The following KMT2E variants were observed in gnomAD, a reference collection of about 807,000 sequenced individuals.
The protein encoded by KMT2E is lysine methyltransferase 2E (inactive).
A neutral mutation model predicts 184.6 loss-of-function variants in KMT2E; 30 were observed. The observed-to-expected ratio is 0.16, with a 90% CI of 0.12 to 0.22. KMT2E has a LOEUF of 0.22. KMT2E is among the 10% of genes least tolerant of loss of function. The pLI is 1.00. For synonymous variants in KMT2E, 815 were observed against 776.5 expected (o/e 1.05, Z -0.82); for missense variants, 2,023 against 2,237.4 (o/e 0.90, Z 1.93).
chr7:105,074,748 C>T lies in KMT2E; in HGVS notation c.662C>T (p.Ser221Phe). ...ATTACTTTAACTGCTTCAAGAGTTT[C>T]CAAAGTTAATGATAAAAGAAGGAAA... is the stretch of plus-strand genomic sequence containing the variant. ...TSITLTASRVSKVNDKRRKKS... is the reference protein window; with the variant it reads ...TSITLTASRVFKVNDKRRKKS... The change falls in exon 8 of 27, where the codon TCC (serine) becomes TTC (phenylalanine). Residue 221 changes from serine to phenylalanine, a missense_variant. By Grantham distance (155) the Ser-to-Phe change is radical. This residue lies in a region of KMT2E where 191 missense variants were observed against 209.0 expected (regional missense o/e 0.91). Transcript: ENST00000311117. 1 of 1,609,304 alleles carries T rather than the reference C, an allele frequency of 6.2e-7. No homozygotes were observed. The highest frequency in any genetic ancestry group is 8.5e-7 in the Non-Finnish European group (1 of 1,178,014).
At chr7:105,016,834 C>T (rs1794734800) in intron 1 of KMT2E, among the ~76,000 whole-genome samples, 1 of 152,156 alleles carries the variant, frequency 6.6e-6, no homozygotes, top group Non-Finnish European at 1.5e-5. Flanking sequence ...GTGACTGTAT[C>T]AACTAGGTTG....
intron 1 of KMT2E, among the ~76,000 whole-genome samples, chr7:105,037,739 A>C (rs1268021211): frequency 6.6e-6 from 1 of 151,916 alleles, no homozygotes; most frequent in African/African-American, 2.4e-5. Context: ...TTTCTACTTT[A>C]ATTGCTTTTT....
chr7:105,025,240 G>A (rs1473499693), intron 1 of KMT2E, among the ~76,000 whole-genome samples: 1 of 152,016 alleles, frequency 6.6e-6, no homozygotes, highest in African/African-American at 2.4e-5. Context: ...TACTTCTTTG[G>A]GCAATGTTTT....
chr7:105,076,915 TGTG>T, intron 9 of KMT2E, 45 bp from the exon 10 acceptor site: 1 of 898,740 alleles, frequency 1.1e-6, no homozygotes, highest in Non-Finnish European at 1.8e-6. Context: ...TGTGTGTGTG[TGTG>T]TAAGTCCGTA....
intron 1 of KMT2E, among the ~76,000 whole-genome samples, chr7:105,035,076 G>T (rs1292090678): frequency 6.7e-6 from 1 of 150,072 alleles, no homozygotes; most frequent in South Asian, 2.1e-4. Context: ...CCAGGCTGGG[G>T]TGCAGTGGCA....
intron 3 of KMT2E, among the ~76,000 whole-genome samples, chr7:105,046,258 C>G (rs1796099620): frequency 6.6e-6 from 1 of 152,128 alleles, no homozygotes; most frequent in Non-Finnish European, 1.5e-5. Flanking sequence ...ACACATAAGC[C>G]ATAATTTTTC....
In KMT2E at chr7:105,077,631, G is replaced by T. The variant is rs1037883884; in HGVS notation, c.1130+198G>T. The T allele has an allele frequency of 7.8e-6, 4 of 513,018 alleles. No individual in the cohort carries two copies. The South Asian group carries it at 1.0e-4, about 13-fold the overall frequency. The allele number at this position is 513,018 out of a possible 1,614,324, so 31.8% of individuals were successfully genotyped here. A position where few individuals can be genotyped will look rare whatever the true frequency, so the allele number is the denominator to read the frequency against. On this transcript the variant is annotated intron_variant, in intron 11 of 26. Transcript: ENST00000311117. ...CTAAAACAACATAAAAAAATGCAAA[G>T]ATATATTCCGGTCTCTTGCTCATGT...
At chr7:105,097,302 T>C (rs1344872368) in intron 15 of KMT2E, among the ~76,000 whole-genome samples, 1 of 152,242 alleles carries the variant, frequency 6.6e-6, no homozygotes, top group African/African-American at 2.4e-5. Context: ...TCCTGTTTTC[T>C]CTAATTGTAG....
rs1419062138 is a variant in KMT2E, at chr7:105,105,951, C to G, written c.2544C>G (p.Val848=). 2.5e-6 allele frequency: 4 copies of G among 1,613,080 alleles called. No homozygotes were observed. Among genetic ancestry groups the G allele is most frequent in the Non-Finnish European group, 3.4e-6 (4 of 1,179,626 alleles). Residue 848 remains valine, a synonymous_variant, in exon 19 of 27, where the codon GTC becomes GTG. Coordinates refer to ENST00000311117, the MANE Select transcript of KMT2E (RefSeq NM_182931.3). ...AAGAAAGATCCAGAAGTCCTGCAGT[C>G]AATGGTGAAAATAAAAGTCCACTAC... is the stretch of plus-strand genomic sequence containing the variant. ...PCQERSRSPA[V]NGENKSPLLL...
intron 3 of KMT2E, among the ~76,000 whole-genome samples, chr7:105,047,956 A>G (rs1430921948): frequency 1.3e-5 from 2 of 152,242 alleles, no homozygotes; most frequent in African/African-American, 2.4e-5. Flanking sequence ...GCACAAGACA[A>G]TAACTGCTCT....
At position 105,110,512 on chromosome 7, in the gene KMT2E, C is replaced by T. The variant is rs777514247; in HGVS notation, c.3880C>T (p.His1294Tyr). ...ESPCVSCSPS[H>Y]VQSSPSSHSN... ...ACCATGTGTCTCATGTTCACCGAGT[C>T]ATGTTCAGTCTTCACCTTCATCTCA... Residue 1294 changes from histidine to tyrosine, a missense_variant, in exon 25 of 27, where the codon CAT (histidine) becomes TAT (tyrosine). Physicochemically the swap from His to Tyr is moderately conservative, Grantham distance 83. Transcript: ENST00000311117. 4 of 1,614,018 alleles carry T rather than the reference C, an allele frequency of 2.5e-6. No individual in the cohort carries two copies. The East Asian group carries it at 8.9e-5, about 36-fold the overall frequency.
intron 1 of KMT2E, among the ~76,000 whole-genome samples, chr7:105,017,614 G>A (rs1285979193): frequency 6.6e-6 from 1 of 151,862 alleles, no homozygotes; most frequent in Non-Finnish European, 1.5e-5. Flanking sequence ...AGAAGGTTAG[G>A]CATAATTTTT....
At chr7:105,088,821 T>C (rs550124998) in intron 13 of KMT2E, among the ~76,000 whole-genome samples, 2 of 152,274 alleles carry the variant, frequency 1.3e-5, no homozygotes, top group East Asian at 3.9e-4. Flanking sequence ...TGAGACAGAG[T>C]GCAGTTATTT....
intron 6 of KMT2E, among the ~76,000 whole-genome samples, chr7:105,070,592 C>T (rs958378999): frequency 2.9e-5 from 4 of 137,426 alleles, no homozygotes; most frequent in African/African-American, 1.1e-4. Context: ...TGAGATCACA[C>T]AGCTGCACTC....
chr7:105,035,811 G>C (rs1795629687), intron 1 of KMT2E, among the ~76,000 whole-genome samples: 1 of 150,428 alleles, frequency 6.6e-6, no homozygotes, highest in African/African-American at 2.4e-5. Context: ...CACCCACCTT[G>C]GCCTCCCAAA....
intron 26 of KMT2E, 61 bp downstream of exon 26, chr7:105,110,929 A>G: frequency 2.7e-6 from 3 of 1,124,830 alleles, no homozygotes; most frequent in Non-Finnish European, 4.1e-6. Flanking sequence ...AGAAAAGCTG[A>G]TGGTTATAAT....
chr7:105,096,247 C>CAAAAAAA (rs11330758), intron 15 of KMT2E, among the ~76,000 whole-genome samples: 2 of 69,268 alleles, frequency 2.9e-5, no homozygotes, highest in South Asian at 5.1e-4. Flanking sequence ...GTGAAAGGCT[C>CAAAAAAA]AAAAAAAAAA....
At chr7:105,111,058 ACT>A in intron 26 of KMT2E, 190 bp downstream of exon 26, 1 of 567,698 alleles carries the variant, frequency 1.8e-6, no homozygotes, top group Non-Finnish European at 3.1e-6. Context: ...GTGATGGATA[ACT>A]CTGACCAAAC....
intron 22 of KMT2E, chr7:105,108,664 T>A: frequency 2.3e-6 from 1 of 441,378 alleles, no homozygotes; most frequent in Non-Finnish European, 4.3e-6. Flanking sequence ...CTTGAGTGAG[T>A]GAGTTACTCA....
Sources: allele counts gnomAD v4.1 joint callset (sites outside exome capture counted in the v4.1 genomes callset), GRCh38; gene constraint gnomAD v4.1.1; regional missense constraint gnomAD v4.1.1; transcripts MANE v1.5; gene names NCBI Gene and HGNC (gene_info 2026-07-23, HGNC 2026-07-21).